The following ZMAT3 variants were observed in gnomAD, a reference collection of about 807,000 sequenced individuals.
ZMAT3 encodes the protein zinc finger matrin-type 3.
ZMAT3 carries 17 observed loss-of-function variants against 32.3 expected under a neutral mutation model. That is an observed-to-expected ratio of 0.53 (90% confidence interval 0.36 to 0.79). The LOEUF is 0.79. ZMAT3 is among the 30% of genes least tolerant of loss of function. ZMAT3 has a pLI of 0.00. For synonymous variants in ZMAT3, 120 were observed against 133.1 expected, an observed-to-expected ratio of 0.90 and a Z score of 0.68; for missense variants, 329 against 359.7, an observed-to-expected ratio of 0.91 and a Z score of 0.69.
At chr3:179,034,580 A>T (rs1719481048) in intron 2 of ZMAT3, among the ~76,000 whole-genome samples, 1 of 152,140 alleles carries the variant, frequency 6.6e-6, no homozygotes, top group African/African-American at 2.4e-5. Context: ...TGACTCCCCA[A>T]ATCATCAATC....
chr3:179,053,532 C>A lies in ZMAT3; in HGVS notation c.270+13951G>T, dbSNP rs182089427. ...AAATAAAATATTCGCAGTCTTAAAG[C>A]ACCTCCCCATATAACATTTGTTGAA... On this transcript the variant is annotated intron_variant, in intron 2 of 5. Transcript: ENST00000311417. 3.3e-5 allele frequency among the ~76,000 whole-genome samples: 5 copies of A among 152,262 alleles called. No homozygotes were observed. The South Asian group carries it at 6.2e-4, about 19-fold the overall frequency.
At chr3:179,031,854 C>G (rs1198004434) in intron 2 of ZMAT3, among the ~76,000 whole-genome samples, 1 of 150,506 alleles carries the variant, frequency 6.6e-6, no homozygotes, top group South Asian at 2.2e-4. Context: ...TTGCAGTGAG[C>G]GGAAATCACA....
intron 1 of ZMAT3, among the ~76,000 whole-genome samples, chr3:179,071,027 CA>C (rs1450250573): frequency 1.3e-5 from 2 of 151,932 alleles, no homozygotes; most frequent in African/African-American, 2.4e-5. Flanking sequence ...AGGCAGCGAG[CA>C]TTACTCAGAG....
At chr3:179,068,961 G>A (rs1436350134) in intron 1 of ZMAT3, among the ~76,000 whole-genome samples, 4 of 152,176 alleles carry the variant, frequency 2.6e-5, no homozygotes, top group African/African-American at 7.2e-5. Context: ...GCCCTCTAGC[G>A]AGGCCTGCCT....
At chr3:179,032,203 C>T (rs1277772750) in intron 2 of ZMAT3, among the ~76,000 whole-genome samples, 3 of 151,820 alleles carry the variant, frequency 2.0e-5, no homozygotes, top group African/African-American at 4.8e-5. Flanking sequence ...GGGGTTTCGC[C>T]GTGTTGGCCG....
chr3:179,026,248 A>G (rs1718860603), intron 5 of ZMAT3, among the ~76,000 whole-genome samples: 1 of 152,112 alleles, frequency 6.6e-6, no homozygotes, highest in Non-Finnish European at 1.5e-5. Flanking sequence ...ATATTAATAC[A>G]GCTATCCCAG....
In ZMAT3 at chr3:179,019,890, G is replaced by C. The variant is rs1462465410; in HGVS notation, c.*5127C>G. 1 of 152,088 alleles carries C rather than the reference G, an allele frequency of 6.6e-6. No homozygotes were observed. The highest frequency in any genetic ancestry group is 2.4e-5 in the African/African-American group (1 of 41,426). 9.4% of individuals were successfully genotyped at this position (152,088 alleles called of 1,614,324 possible). On this transcript the variant is annotated 3_prime_UTR_variant, in exon 6 of 6. Transcript: ENST00000311417. ...GAATAAAGAATTTTTCCAAACATCA[G>C]TGTCAAGCTCTTCCAATCAACCACA...
intron 2 of ZMAT3, among the ~76,000 whole-genome samples, chr3:179,047,575 G>T (rs1012088124): frequency 8.6e-5 from 13 of 151,706 alleles, no homozygotes; most frequent in Admixed American, 7.9e-4. Flanking sequence ...GCACCAGGCC[G>T]AGCGTGGTGG....
Position 179,027,718 on chromosome 3 carries a change from G to C in ZMAT3, c.485C>G (p.Ala162Gly), listed in dbSNP as rs774043028. The C allele has an allele frequency of 1.2e-6, 2 of 1,614,010 alleles. No individual in the cohort carries two copies. Among genetic ancestry groups the C allele is most frequent in the Admixed American group, 3.3e-5 (2 of 59,998 alleles). ...ATTCTTCCCTTGATAGTGAGCCTGAGCCACAGCTGGGGAACTGAAGGAGGC... is the reference window on the plus strand; with the variant it reads ...ATTCTTCCCTTGATAGTGAGCCTGACCCACAGCTGGGGAACTGAAGGAGGC... ...CDASFSSPAV[A>G]QAHYQGKNHA... The change falls in exon 4 of 6, where the codon GCT (alanine) becomes GGT (glycine). Residue 162 changes from alanine to glycine, a missense_variant. Ala to Gly is a moderately conservative substitution (Grantham distance 60). Transcript: ENST00000311417.
rs1419610435 is a variant in ZMAT3, at chr3:179,020,068, T to TA, written c.*4948dup. 1 of 152,064 alleles carries TA rather than the reference T, an allele frequency of 6.6e-6. No individual in the cohort carries two copies. The highest frequency in any genetic ancestry group is 2.1e-4 in the South Asian group (1 of 4,828). The allele number at this position is 152,064 out of a possible 1,614,324, so 9.4% of individuals were successfully genotyped here. ...ACTTGATATCAAATTGACATTTATTTAAAAAAGGGAAAAAAAAGACGTAGA... is the reference window on the plus strand; with the variant it reads ...ACTTGATATCAAATTGACATTTATTTAAAAAAAGGGAAAAAAAAGACGTAGA... On this transcript the variant is annotated 3_prime_UTR_variant, in exon 6 of 6. Coordinates refer to ENST00000311417, the MANE Select transcript of ZMAT3 (RefSeq NM_022470.4).
At chr3:179,069,966 C>G (rs1465490062) in intron 1 of ZMAT3, among the ~76,000 whole-genome samples, 1 of 152,098 alleles carries the variant, frequency 6.6e-6, no homozygotes, top group East Asian at 1.9e-4. Flanking sequence ...AAAGCAAAGA[C>G]AGATATGGTC....
At chr3:179,051,167 C>T (rs1023801571) in intron 2 of ZMAT3, among the ~76,000 whole-genome samples, 5 of 152,132 alleles carry the variant, frequency 3.3e-5, no homozygotes, top group Non-Finnish European at 5.9e-5. Flanking sequence ...AAATAAAGGG[C>T]ATCCAAATCA....
chr3:179,055,000 G>A (rs188311159), intron 2 of ZMAT3, among the ~76,000 whole-genome samples: 109 of 152,194 alleles, frequency 7.2e-4, no homozygotes, highest in South Asian at 2.9e-3. Context: ...CTTGGAATCC[G>A]TGAGGCCAAG....
chr3:179,029,888 T>C (rs894368709), intron 3 of ZMAT3, among the ~76,000 whole-genome samples: 11 of 152,236 alleles, frequency 7.2e-5, no homozygotes, highest in Non-Finnish European at 2.9e-5. Flanking sequence ...CCAAGTTTAG[T>C]GCATCCATCA....
intron 2 of ZMAT3, among the ~76,000 whole-genome samples, chr3:179,066,356 A>G (rs910893784): frequency 1.3e-5 from 2 of 152,236 alleles, no homozygotes; most frequent in African/African-American, 4.8e-5. Context: ...GGGAACTTAA[A>G]GGAGGCAACA....
At chr3:179,039,624 G>A (rs747914081) in intron 2 of ZMAT3, among the ~76,000 whole-genome samples, 1 of 152,334 alleles carries the variant, frequency 6.6e-6, no homozygotes, top group African/African-American at 2.4e-5. Context: ...AAGATGGGGA[G>A]AAACCAGAGC....
intron 3 of ZMAT3, among the ~76,000 whole-genome samples, chr3:179,030,501 C>T (rs557405636): frequency 6.6e-6 from 1 of 152,084 alleles, no homozygotes; most frequent in African/African-American, 2.4e-5. Flanking sequence ...ACTACAGGTG[C>T]CCGCCACCAC....
intron 2 of ZMAT3, among the ~76,000 whole-genome samples, chr3:179,058,755 C>CAAAA (rs56006230): frequency 1.5e-5 from 1 of 68,216 alleles, no homozygotes; most frequent in African/African-American, 5.2e-5. Context: ...GACTCCGTCT[C>CAAAA]AAAAAAAAAA....
intron 5 of ZMAT3, among the ~76,000 whole-genome samples, chr3:179,026,531 C>T (rs1718883412): frequency 6.6e-6 from 1 of 151,718 alleles, no homozygotes; most frequent in African/African-American, 2.4e-5. Context: ...GGATTACAGG[C>T]GTATGCCACC....
Sources: allele counts gnomAD v4.1 joint callset (sites outside exome capture counted in the v4.1 genomes callset), GRCh38; gene constraint gnomAD v4.1.1; transcripts MANE v1.5; gene names NCBI Gene and HGNC (gene_info 2026-07-23, HGNC 2026-07-21).